Variants in SORCS3 observed in about 807,000 individuals in gnomAD.
SORCS3 encodes the protein sortilin related VPS10 domain containing receptor 3.
SORCS3 carries 57 observed loss-of-function variants against 146.3 expected under a neutral mutation model. That is an observed-to-expected ratio of 0.39 (90% CI 0.31 to 0.49). The LOEUF (loss-of-function observed/expected upper bound fraction) is 0.49. SORCS3 is among the 20% of genes least tolerant of loss of function. SORCS3 has a pLI of 0.92. For missense variants in SORCS3, 1,341 were observed against 1,575.5 expected (o/e 0.85, Z 2.52); for synonymous variants, 653 against 618.5 (o/e 1.06, Z -0.83).
At chr10:104,737,684 C>G (rs531829564) in intron 1 of SORCS3, among the ~76,000 whole-genome samples, 1,885 of 152,194 alleles carry the variant, frequency 0.012, 31 homozygotes, top group African/African-American at 0.038. Context: ...AGCCCTTTGT[C>G]AGATGAGTAG....
intron 1 of SORCS3, among the ~76,000 whole-genome samples, chr10:104,779,916 A>C (rs2017354273): frequency 6.6e-6 from 1 of 152,180 alleles, no homozygotes; most frequent in South Asian, 2.1e-4. Flanking sequence ...GGTTATTAGA[A>C]GTATGAATTA....
chr10:104,991,115 C>G (rs147185350), intron 4 of SORCS3, among the ~76,000 whole-genome samples: 1 of 152,132 alleles, frequency 6.6e-6, no homozygotes, highest in African/African-American at 2.4e-5. Context: ...CCAGGACATA[C>G]TTTTGACTCC....
At chr10:104,738,511 C>T (rs1362555144) in intron 1 of SORCS3, among the ~76,000 whole-genome samples, 2 of 152,126 alleles carry the variant, frequency 1.3e-5, no homozygotes, top group East Asian at 1.9e-4. Flanking sequence ...TCCCATTTGC[C>T]GTTTCTTTCT....
In SORCS3 at chr10:104,768,148, C is replaced by G. The variant is rs369870106; in HGVS notation, c.628-74644C>G. On this transcript the variant is annotated intron_variant, in intron 1 of 26. Coordinates refer to ENST00000369701, the MANE Select transcript of SORCS3 (RefSeq NM_014978.3). ...CTGCCTTAGAATTACAATTACCTGT[C>G]TTACTTGTTTAAAGTACAGCTTCTT... 9.7e-4 allele frequency among the ~76,000 whole-genome samples: 147 copies of G among 152,062 alleles called. 4 individuals are homozygous for G. The South Asian group carries it at 0.029, about 30-fold the overall frequency.
rs571359629 is a variant in SORCS3 at position 104,756,296 on chromosome 10, A to G, written c.628-86496A>G. Among the ~76,000 whole-genome samples the G allele has an allele frequency of 6.6e-5, 10 of 152,330 alleles. No homozygotes were observed. The East Asian group carries it at 1.9e-3, about 29-fold the overall frequency. On this transcript the variant is annotated intron_variant, in intron 1 of 26. Transcript: ENST00000369701. The stretch of plus-strand genomic sequence containing the variant: ...ATAAAAAGTGCATATAGGATCACAT[A>G]AGAGCACTGTCCTTCAGAAGTATAC...
At chr10:104,836,629 C>T (rs1464163954) in intron 1 of SORCS3, among the ~76,000 whole-genome samples, 2 of 152,166 alleles carry the variant, frequency 1.3e-5, no homozygotes, top group Non-Finnish European at 2.9e-5. Flanking sequence ...TCACCGCCCT[C>T]TTCACTCTTG....
In SORCS3 at chr10:104,735,456, G is replaced by GTT. The variant is rs56203751; in HGVS notation, c.627+93522_627+93523dup. ...CGGTATTCATGAGCTCTCACCGTCT[G>GTT]TTTTTTTTTTTTTTTTTTTTTAATC... On this transcript the variant is annotated intron_variant, in intron 1 of 26. Transcript: ENST00000369701. 1.5e-3 allele frequency among the ~76,000 whole-genome samples: 53 copies of GTT among 35,008 alleles called. 4 individuals are homozygous for GTT. In the East Asian group the frequency reaches 0.024, roughly 16 times the overall value. The allele number at this position is 35,008 out of a possible 152,430, so 23.0% of individuals were successfully genotyped here.
chr10:105,210,258 T>G (rs936484748), intron 16 of SORCS3, among the ~76,000 whole-genome samples: 9 of 152,182 alleles, frequency 5.9e-5, no homozygotes, highest in African/African-American at 2.2e-4. Flanking sequence ...TTATTAACAC[T>G]TAATGGATTA....
intron 4 of SORCS3, among the ~76,000 whole-genome samples, chr10:105,029,200 T>A (rs12244211): frequency 0.063 from 9,587 of 152,240 alleles, 899 homozygotes; most frequent in African/African-American, 0.2. Flanking sequence ...TAGGTATCAA[T>A]ATGATTTACA....
chr10:104,699,431 G>T (rs1398507330), intron 1 of SORCS3, among the ~76,000 whole-genome samples: 1 of 152,154 alleles, frequency 6.6e-6, no homozygotes, highest in Non-Finnish European at 1.5e-5. Flanking sequence ...TCAGAGGGAA[G>T]AGTTAACTTT....
intron 2 of SORCS3, among the ~76,000 whole-genome samples, chr10:104,905,406 T>C (rs2018895070): frequency 2.0e-5 from 3 of 152,164 alleles, no homozygotes; most frequent in Non-Finnish European, 4.4e-5. Context: ...GGATGGCCAG[T>C]AGGACAACTG....
intron 1 of SORCS3, among the ~76,000 whole-genome samples, chr10:104,645,265 T>G (rs1462215463): frequency 6.6e-6 from 1 of 152,020 alleles, no homozygotes; most frequent in Non-Finnish European, 1.5e-5. Flanking sequence ...GGTTAGAGAG[T>G]GTTTCAAAAA....
intron 2 of SORCS3, among the ~76,000 whole-genome samples, chr10:104,858,624 C>CT (rs775216095): frequency 0.23 from 32,437 of 141,414 alleles, 4,094 homozygotes; most frequent in African/African-American, 0.32. Flanking sequence ...GAGAAGTGTA[C>CT]TTTTTTTTTT....
At chr10:105,179,360 A>C (rs2119563525) in intron 14 of SORCS3, among the ~76,000 whole-genome samples, 1 of 152,302 alleles carries the variant, frequency 6.6e-6, no homozygotes, top group Middle Eastern at 3.4e-3. Context: ...CATGGATATG[A>C]GGGAGATTGA....
At chr10:105,135,160 T>G (rs1416734219) in intron 7 of SORCS3, among the ~76,000 whole-genome samples, 1 of 152,124 alleles carries the variant, frequency 6.6e-6, no homozygotes, top group African/African-American at 2.4e-5. Flanking sequence ...GGGGTGAGGA[T>G]TGGGTCTCCA....
chr10:104,993,404 T>C (rs1328663681), intron 4 of SORCS3, among the ~76,000 whole-genome samples: 1 of 152,246 alleles, frequency 6.6e-6, no homozygotes, highest in Non-Finnish European at 1.5e-5. Flanking sequence ...GAGTAAGTTA[T>C]TGAAACAGGC....
intron 3 of SORCS3, among the ~76,000 whole-genome samples, chr10:104,965,028 AG>A (rs2054818447): frequency 1.3e-5 from 2 of 152,180 alleles, no homozygotes; most frequent in Non-Finnish European, 2.9e-5. Flanking sequence ...TCATCCATGT[AG>A]CATGTGTCAG....
chr10:104,864,869 A>G (rs1159478327), intron 2 of SORCS3, among the ~76,000 whole-genome samples: 1 of 152,056 alleles, frequency 6.6e-6, no homozygotes, highest in East Asian at 1.9e-4. Flanking sequence ...AAATATTCTC[A>G]TTCTTCTCCC....
intron 4 of SORCS3, among the ~76,000 whole-genome samples, chr10:105,040,988 A>AAT (rs202026508): frequency 0.013 from 1,856 of 147,664 alleles, 25 homozygotes; most frequent in African/African-American, 0.033. Flanking sequence ...AGCATATATA[A>AAT]ATATATATAT....
Sources: allele counts gnomAD v4.1 joint callset (sites outside exome capture counted in the v4.1 genomes callset), GRCh38; gene constraint gnomAD v4.1.1; transcripts MANE v1.5; gene names NCBI Gene and HGNC (gene_info 2026-07-23, HGNC 2026-07-21).